MTPAP: variants seen among roughly 807,000 people sequenced by gnomAD.
The protein encoded by MTPAP is mitochondrial poly(A) polymerase.
A neutral mutation model predicts 48.7 loss-of-function variants in MTPAP; 23 were observed. That is an observed-to-expected ratio of 0.47 (90% CI 0.34 to 0.67). MTPAP has a LOEUF of 0.67. MTPAP is among the 30% of genes least tolerant of loss of function. The pLI is 0.01. For missense variants in MTPAP, 614 were observed against 694.3 expected (o/e 0.88, Z 1.30); for synonymous variants, 257 against 254.1 (o/e 1.01, Z -0.11).
At position 30,313,600 on chromosome 10, in the gene MTPAP, T is replaced by A. The variant is rs751550052; in HGVS notation, c.*9A>T. On this transcript the variant is annotated 3_prime_UTR_variant, in exon 9 of 9. Coordinates refer to ENST00000263063, the MANE Select transcript of MTPAP (RefSeq NM_018109.4). ...GCTAAGCCCAGTTCTTTACACAATGTAGCAGCCATCATGTCTGAGTACTAA... is the reference window on the plus strand; with the variant it reads ...GCTAAGCCCAGTTCTTTACACAATGAAGCAGCCATCATGTCTGAGTACTAA... The A allele has an allele frequency of 6.2e-7, 1 of 1,614,184 alleles. No individual in the cohort carries two copies. The highest frequency in any genetic ancestry group is 8.5e-7 in the Non-Finnish European group (1 of 1,180,022).
chr10:30,336,948 G>C lies in MTPAP; in HGVS notation c.635C>G (p.Ser212Cys). The C allele has an allele frequency of 6.2e-7, 1 of 1,613,644 alleles. No homozygotes were observed. Among genetic ancestry groups the C allele is most frequent in the Non-Finnish European group, 8.5e-7 (1 of 1,179,978 alleles). The change falls in exon 4 of 9, where the codon TCT becomes TGT. Residue 212 changes from serine (S) to cysteine (C), a missense_variant. This residue lies in a region of MTPAP where 261 missense variants were observed against 355.4 expected (regional missense o/e 0.73). Transcript: ENST00000263063. ...CGCGGCGGCCATGTCTTCAATAAGAGAACAGGTGAGATATCGGAGCTTAGT... is the reference window on the plus strand; with the variant it reads ...CGCGGCGGCCATGTCTTCAATAAGACAACAGGTGAGATATCGGAGCTTAGT... ...ENTKLRYLTC[S>C]LIEDMAAAYF... is the part of the protein sequence containing the mutation.
At chr10:30,341,404 C>T in intron 2 of MTPAP, 64 bp downstream of exon 2, 1 of 1,553,892 alleles carries the variant, frequency 6.4e-7, no homozygotes, top group South Asian at 1.2e-5. Context: ...CAAAAAACAA[C>T]TAATGGAGAC....
intron 6 of MTPAP, among the ~76,000 whole-genome samples, chr10:30,318,399 A>G (rs547290410): frequency 1.3e-5 from 2 of 152,212 alleles, no homozygotes; most frequent in South Asian, 4.1e-4. Flanking sequence ...ATTTCTACTT[A>G]GATCTATTTT....
At chr10:30,314,884 C>CAAAAAAAAAAAAAAAA (rs34249388) in intron 8 of MTPAP, among the ~76,000 whole-genome samples, 51 of 110,744 alleles carry the variant, frequency 4.6e-4, no homozygotes, top group East Asian at 1.8e-3. Context: ...AAAACAAAAA[C>CAAAAAAAAAAAAAAAA]AAAAAAAAAA....
chr10:30,343,852 C>T (rs112852696), intron 1 of MTPAP, among the ~76,000 whole-genome samples: 3 of 152,244 alleles, frequency 2.0e-5, no homozygotes, highest in Middle Eastern at 3.4e-3. Flanking sequence ...ACAGGCATGA[C>T]GCCACCACGC....
At chr10:30,316,241 T>C (rs1408597021) in intron 6 of MTPAP, 31 bp from the exon 7 acceptor site, 18 of 911,184 alleles carry the variant, frequency 2.0e-5, no homozygotes, top group Admixed American at 5.1e-5. Context: ...ATTTCACGTG[T>C]TTTTTTTTTT....
intron 2 of MTPAP, among the ~76,000 whole-genome samples, chr10:30,341,190 C>T (rs1180478039): frequency 2.0e-5 from 3 of 152,076 alleles, no homozygotes; most frequent in Non-Finnish European, 4.4e-5. Flanking sequence ...CCACTGCACT[C>T]CAGCATAGGC....
chr10:30,327,712 G>A (rs1399256060), intron 4 of MTPAP, among the ~76,000 whole-genome samples: 9 of 151,578 alleles, frequency 5.9e-5, no homozygotes, highest in African/African-American at 9.7e-5. Flanking sequence ...CAGGCATGGT[G>A]GCATGCACCT....
intron 4 of MTPAP, among the ~76,000 whole-genome samples, chr10:30,328,015 T>C (rs1834619839): frequency 1.3e-5 from 2 of 152,070 alleles, no homozygotes; most frequent in African/African-American, 4.8e-5. Context: ...AGAATATGAT[T>C]GCATAAAAAA....
intron 4 of MTPAP, among the ~76,000 whole-genome samples, chr10:30,328,552 CCCTATCAACTA>C (rs1180893949): frequency 6.6e-6 from 1 of 152,132 alleles, no homozygotes; most frequent in African/African-American, 2.4e-5. Flanking sequence ...TAATAAGGTT[CCCTATCAACTA>C]TTCCCTCTTC....
rs2132839630 is a variant in MTPAP, at chr10:30,311,875, C to T, written c.*1734G>A. 1 of 152,662 alleles carries T rather than the reference C, an allele frequency of 6.6e-6. No individual in the cohort carries two copies. Among genetic ancestry groups the T allele is most frequent in the Non-Finnish European group, 1.5e-5 (1 of 68,314 alleles). 9.5% of individuals were successfully genotyped at this position (152,662 alleles called of 1,614,324 possible). Reference sequence around the variant, plus strand: ...AAAGTTACTCCACAGAAGCCAGGTGCAGTGGCTCACGCCTGTAATTCCAAC... The same window carrying T: ...AAAGTTACTCCACAGAAGCCAGGTGTAGTGGCTCACGCCTGTAATTCCAAC... On this transcript the variant is annotated 3_prime_UTR_variant, in exon 9 of 9. Coordinates refer to ENST00000263063, the MANE Select transcript of MTPAP (RefSeq NM_018109.4).
rs185460805 is a variant in MTPAP, at chr10:30,332,712, C to T, written c.780+4091G>A. ...CAACTAAAAGTTTCTAGGCCAGGTG[C>T]AGTGGCTCACACCTATAATCTCAGC... is the stretch of plus-strand genomic sequence containing the variant. On this transcript the variant is annotated intron_variant, in intron 4 of 8. Transcript: ENST00000263063. 4.1e-3 allele frequency among the ~76,000 whole-genome samples: 627 copies of T among 152,282 alleles called. 1 individual carries two copies. Among genetic ancestry groups the T allele is most frequent in the Non-Finnish European group, 6.4e-3 (434 of 68,020 alleles).
intron 4 of MTPAP, among the ~76,000 whole-genome samples, chr10:30,332,209 T>C (rs1834676847): frequency 6.6e-6 from 1 of 152,238 alleles, no homozygotes; most frequent in South Asian, 2.1e-4. Flanking sequence ...CAAAAACATA[T>C]TTCCAAAAAA....
At chr10:30,323,967 G>A (rs1001037805) in intron 5 of MTPAP, among the ~76,000 whole-genome samples, 1 of 152,184 alleles carries the variant, frequency 6.6e-6, no homozygotes, top group Non-Finnish European at 1.5e-5. Context: ...GATAGCTTGA[G>A]CCGAGGAGTT....
Position 30,312,340 on chromosome 10 carries a change from G to C in MTPAP, c.*1269C>G, listed in dbSNP as rs990406817. The C allele has an allele frequency of 3.3e-5, 5 of 152,034 alleles. No homozygotes were observed. Among genetic ancestry groups the C allele is most frequent in the Non-Finnish European group, 7.4e-5 (5 of 68,022 alleles). 9.4% of individuals were successfully genotyped at this position (152,034 alleles called of 1,614,324 possible). On this transcript the variant is annotated 3_prime_UTR_variant, in exon 9 of 9. Coordinates refer to ENST00000263063, the MANE Select transcript of MTPAP (RefSeq NM_018109.4). ...TCACGCTTGTAATCCCAGCACTTTG[G>C]GAGGTTGAGGTGGGCTGATCACGAG...
At chr10:30,326,739 CAAAAT>C (rs948399840) in intron 4 of MTPAP, 104 bp from the exon 5 acceptor site, 2 of 862,952 alleles carry the variant, frequency 2.3e-6, no homozygotes, top group Non-Finnish European at 3.7e-6. Flanking sequence ...GAAAGCAAAA[CAAAAT>C]AAGAAAAAAA....
intron 4 of MTPAP, among the ~76,000 whole-genome samples, chr10:30,327,210 G>A (rs992860018): frequency 1.3e-5 from 2 of 152,116 alleles, no homozygotes; most frequent in African/African-American, 2.4e-5. Flanking sequence ...AAAACTCGCC[G>A]GGTGCAGTGG....
chr10:30,338,043 T>C (rs983766390), intron 3 of MTPAP, among the ~76,000 whole-genome samples: 17 of 151,922 alleles, frequency 1.1e-4, no homozygotes, highest in Admixed American at 9.2e-4. Flanking sequence ...GAGGATCGCT[T>C]GAGCTCAGGA....
intron 4 of MTPAP, among the ~76,000 whole-genome samples, chr10:30,331,822 C>T (rs1404151675): frequency 6.6e-6 from 1 of 152,256 alleles, no homozygotes; most frequent in African/African-American, 2.4e-5. Flanking sequence ...CCACCTTGGC[C>T]TCCCAAAGTG....
Sources: allele counts gnomAD v4.1 joint callset (sites outside exome capture counted in the v4.1 genomes callset), GRCh38; gene constraint gnomAD v4.1.1; regional missense constraint gnomAD v4.1.1; transcripts MANE v1.5; gene names NCBI Gene and HGNC (gene_info 2026-07-23, HGNC 2026-07-21).